Variants in CHRNE observed in about 807,000 individuals in gnomAD.
CHRNE encodes the protein acetylcholine receptor subunit epsilon.
In CHRNE, 58 loss-of-function variants were observed where a neutral mutation model predicts 56.5. The observed-to-expected ratio is 1.03, with a 90% CI of 0.83 to 1.28. The LOEUF (loss-of-function observed/expected upper bound fraction) is 1.28, where lower values mean the gene tolerates loss of function less well. Among genes scored for constraint, CHRNE ranks in the 50% most tolerant of loss-of-function variants. CHRNE has a pLI of 0.00. For synonymous variants in CHRNE, 385 were observed against 297.9 expected (o/e 1.29, Z -3.01); for missense variants, 793 against 688.9 (o/e 1.15, Z -1.69).
chr17:4,900,400 T>C (rs920813679), intron 8 of CHRNE: 5 of 1,550,558 alleles, frequency 3.2e-6, no homozygotes, highest in Non-Finnish European at 4.4e-6. Flanking sequence ...GCCCGGCTCC[T>C]AGTCCAGGGA....
At position 4,898,550 on chromosome 17, in the gene CHRNE, T is replaced by C. The variant is rs951296921; in HGVS notation, c.*186A>G. 3 of 735,392 alleles carry C rather than the reference T, an allele frequency of 4.1e-6. No individual in the cohort carries two copies. In the African/African-American group the frequency reaches 5.3e-5, roughly 13 times the overall value. 45.6% of individuals were successfully genotyped at this position (735,392 alleles called of 1,614,324 possible). On this transcript the variant is annotated 3_prime_UTR_variant, in exon 12 of 12. Transcript: ENST00000649488. Reference sequence around the variant, plus strand: ...AGAGCCTATGTGAACCCTTTCCTCCTGCTGACCCCTGGACTGCGGCCAGGC... The same window carrying C: ...AGAGCCTATGTGAACCCTTTCCTCCCGCTGACCCCTGGACTGCGGCCAGGC...
chr17:4,903,816 A>G (rs1970051813), upstream of CHRNE, among the ~76,000 whole-genome samples: 1 of 152,086 alleles, frequency 6.6e-6, no homozygotes, highest in Admixed American at 6.6e-5. Flanking sequence ...ACACATACAC[A>G]CACACCTGAT....
Position 4,899,609 on chromosome 17 carries a change from A to G in CHRNE, c.918-27T>C, listed in dbSNP as rs547875473. 7.2e-6 allele frequency: 11 copies of G among 1,517,910 alleles called. No homozygotes were observed. The African/African-American group carries it at 1.5e-4, about 21-fold the overall frequency. The allele number at this position is 1,517,910 out of a possible 1,614,324, so 94.0% of individuals were successfully genotyped here. On this transcript the variant is annotated intron_variant, in intron 8 of 11. Coordinates refer to ENST00000649488, the MANE Select transcript of CHRNE (RefSeq NM_000080.4). ...TGAGGAGCCCGGAAGGCATGACATC[A>G]CCGTTCCTCCTCCCAGCTACCGAAG... is the stretch of plus-strand genomic sequence containing the variant.
In CHRNE at chr17:4,902,374, G is replaced by C. The variant is rs115309020; in HGVS notation, c.235-48C>G. On this transcript the variant is annotated intron_variant, in intron 3 of 11. Transcript: ENST00000649488. The surrounding 1 kb of genome is among the most constrained non-coding windows in gnomAD (Gnocchi z 4.0). ...CCGCGTGCCCTGCATCTCCCACCTGGCGCTGCCTGGGAGGGGTTTGGGGGA... is the reference window on the plus strand; with the variant it reads ...CCGCGTGCCCTGCATCTCCCACCTGCCGCTGCCTGGGAGGGGTTTGGGGGA... 3,786 of 1,613,672 alleles carry C rather than the reference G, an allele frequency of 2.3e-3. 74 individuals carry two copies. The African/African-American group carries it at 0.045, about 19-fold the overall frequency.
At chr17:4,904,255 G>A (rs1970060419), upstream of CHRNE, among the ~76,000 whole-genome samples, 1 of 151,792 alleles carries the variant, frequency 6.6e-6, no homozygotes, top group Non-Finnish European at 1.5e-5. Flanking sequence ...GGAGTACAGT[G>A]GCACCACCAT....
chr17:4,907,616 C>T (rs911893373), upstream of CHRNE, among the ~76,000 whole-genome samples: 1 of 151,508 alleles, frequency 6.6e-6, no homozygotes, highest in Non-Finnish European at 1.5e-5. Context: ...GTCCAGTGTC[C>T]CCTGCTCTAA....
At chr17:4,903,434 C>A (rs566411011), upstream of CHRNE, among the ~76,000 whole-genome samples, 49 of 152,266 alleles carry the variant, frequency 3.2e-4, 1 homozygote, top group African/African-American at 1.1e-3. Flanking sequence ...GTGTAGGTGA[C>A]CCTGACTGAT....
chr17:4,908,116 A>G (rs1177796352), intron 1 of CHRNE, among the ~76,000 whole-genome samples: 4 of 152,182 alleles, frequency 2.6e-5, no homozygotes, highest in African/African-American at 9.7e-5. Flanking sequence ...GGTTGCGGTG[A>G]GCCTAGATCG....
At chr17:4,901,276 C>G in intron 6 of CHRNE, 86 bp from the exon 7 acceptor site, 1 of 1,469,614 alleles carries the variant, frequency 6.8e-7, no homozygotes, top group African/African-American at 1.4e-5. Flanking sequence ...CTGCGGCTGT[C>G]TGCACCAGGG....
Position 4,902,533 on chromosome 17 carries a change from A to C in CHRNE, c.190-39T>G. 6.2e-7 allele frequency: 1 copy of C among 1,614,126 alleles called. No individual in the cohort carries two copies. Among genetic ancestry groups the C allele is most frequent in the Non-Finnish European group, 8.5e-7 (1 of 1,179,998 alleles). On this transcript the variant is annotated intron_variant, in intron 2 of 11. Coordinates refer to ENST00000649488, the MANE Select transcript of CHRNE (RefSeq NM_000080.4). The surrounding 1 kb of genome is among the most constrained non-coding windows in gnomAD (Gnocchi z 4.0). The stretch of plus-strand genomic sequence containing the variant: ...ATGGGGATGATTGAAGTGAGATTTC[A>C]GGGCCAGAAGTGAGCTTTAGGACAG...
upstream of CHRNE, among the ~76,000 whole-genome samples, chr17:4,904,653 G>C (rs979045958): frequency 5.9e-5 from 9 of 152,162 alleles, no homozygotes; most frequent in Non-Finnish European, 1.5e-5. Flanking sequence ...CACACAAGTA[G>C]ATTGGCAATA....
intron 5 of CHRNE, 151 bp from the exon 6 acceptor site, chr17:4,901,776 A>G (rs1458541867): frequency 1.2e-5 from 15 of 1,270,542 alleles, no homozygotes; most frequent in Non-Finnish European, 1.7e-5. Flanking sequence ...TCCCATCTGT[A>G]CCTCCGGCCG....
chr17:4,900,285 G>GCGGGCC, intron 8 of CHRNE: 2 of 1,545,256 alleles, frequency 1.3e-6, no homozygotes, highest in Non-Finnish European at 1.7e-6. Context: ...AGACGGCAGC[G>GCGGGCC]CGGGCCCAGC....
intron 8 of CHRNE, chr17:4,899,863 A>C: frequency 6.5e-7 from 1 of 1,549,358 alleles, no homozygotes; most frequent in Non-Finnish European, 8.7e-7. Flanking sequence ...GCACCTCGAG[A>C]CCTTCTGGGT....
In CHRNE at chr17:4,902,612, G is replaced by T; in HGVS notation, c.189+9C>A. 3 of 1,614,144 alleles carry T rather than the reference G, an allele frequency of 1.9e-6. No individual in the cohort carries two copies. The highest frequency in any genetic ancestry group is 2.5e-6 in the Non-Finnish European group (3 of 1,180,022). Reference sequence around the variant, plus strand: ...TTTTTGGCTTAAGATGAGGGTGGGGGTAGCTTACCAGTGAGATGAGATTCG... The same window carrying T: ...TTTTTGGCTTAAGATGAGGGTGGGGTTAGCTTACCAGTGAGATGAGATTCG... On this transcript the variant is annotated intron_variant, in intron 2 of 11. Coordinates refer to ENST00000649488, the MANE Select transcript of CHRNE (RefSeq NM_000080.4). The surrounding 1 kb of genome is among the most constrained non-coding windows in gnomAD (Gnocchi z 4.0).
chr17:4,902,554 G>A lies in CHRNE; in HGVS notation c.190-60C>T. 2 of 1,613,760 alleles carry A rather than the reference G, an allele frequency of 1.2e-6. No individual in the cohort carries two copies. The highest frequency in any genetic ancestry group is 1.7e-6 in the Non-Finnish European group (2 of 1,179,676). ...TTTCAGGGCCAGAAGTGAGCTTTAG[G>A]ACAGAGCTCAGCGGTTGGGGCCAGA... is the stretch of plus-strand genomic sequence containing the variant. On this transcript the variant is annotated intron_variant, in intron 2 of 11. Coordinates refer to ENST00000649488, the MANE Select transcript of CHRNE (RefSeq NM_000080.4). The surrounding 1 kb of genome is among the most constrained non-coding windows in gnomAD (Gnocchi z 4.0).
At chr17:4,901,719 G>T (rs1222875138) in intron 5 of CHRNE, 94 bp from the exon 6 acceptor site, 3 of 1,351,286 alleles carry the variant, frequency 2.2e-6, no homozygotes, top group Non-Finnish European at 3.1e-6. Flanking sequence ...GCGGGGCCGC[G>T]ATCCCAAGCC....
upstream of CHRNE, among the ~76,000 whole-genome samples, chr17:4,907,113 CCTA>C (rs1173916029): frequency 1.3e-5 from 2 of 151,974 alleles, no homozygotes; most frequent in Non-Finnish European, 2.9e-5. Context: ...TAGAATAAGA[CCTA>C]CTATTTGATA....
rs776877196 is a variant in CHRNE, at chr17:4,902,362, A to G, written c.235-36T>C. On this transcript the variant is annotated intron_variant, in intron 3 of 11. Transcript: ENST00000649488. The surrounding 1 kb of genome is among the most constrained non-coding windows in gnomAD (Gnocchi z 4.0). ...GGGGATGGAAGGCCGCGTGCCCTGC[A>G]TCTCCCACCTGGCGCTGCCTGGGAG... 1.9e-6 allele frequency: 3 copies of G among 1,613,742 alleles called. No individual in the cohort carries two copies. Among genetic ancestry groups the G allele is most frequent in the Non-Finnish European group, 2.5e-6 (3 of 1,179,652 alleles).
Sources: gnomAD v4.1 joint callset for allele counts (sites outside exome capture counted in the v4.1 genomes callset) on GRCh38, gnomAD v4.1.1 for gene constraint, Gnocchi (gnomAD v3.1) non-coding constraint, MANE v1.5 for transcripts, NCBI Gene and HGNC (gene_info 2026-07-23, HGNC 2026-07-21) for gene names.